Variants in CSMD1 observed in about 807,000 individuals in gnomAD.
The protein encoded by CSMD1 is CUB and sushi domain-containing protein 1.
In CSMD1, 213 loss-of-function variants were observed where a neutral mutation model predicts 417.5. The observed-to-expected ratio is 0.51, with a 90% CI of 0.46 to 0.57. CSMD1 has a LOEUF of 0.57. CSMD1 is among the 20% of genes least tolerant of loss of function. The probability of loss-of-function intolerance (pLI) is 0.00; values close to 1 mark genes in which losing one functional copy is unlikely to be tolerated. For missense variants in CSMD1, 6,923 were observed against 4,529.7 expected (o/e 1.53, Z -15.17); for synonymous variants, 2,862 against 1,736.8 (o/e 1.65, Z -16.11).
At position 4,422,304 on chromosome 8, in the gene CSMD1, C is replaced by T. The variant is rs369991903; in HGVS notation, c.303-2239G>A. Among the ~76,000 whole-genome samples, 68 of 152,188 alleles carry T rather than the reference C, an allele frequency of 4.5e-4. No homozygotes were observed. The East Asian group carries it at 8.5e-3, about 19-fold the overall frequency. Reference sequence around the variant, plus strand: ...GTAATTTTGTGGCATTGACACTACCCTTTCCCTTATGGGCTGAATTATGCT... The same window carrying T: ...GTAATTTTGTGGCATTGACACTACCTTTTCCCTTATGGGCTGAATTATGCT... On this transcript the variant is annotated intron_variant, in intron 2 of 69. Transcript: ENST00000635120.
At position 4,468,059 on chromosome 8, in the gene CSMD1, C is replaced by CCTGATCCT. The variant is rs1191213587; in HGVS notation, c.303-47995_303-47994insAGGATCAG. On this transcript the variant is annotated intron_variant, in intron 2 of 69. Coordinates refer to ENST00000635120, the MANE Select transcript of CSMD1 (RefSeq NM_033225.6). ...TACTCAACAGGCCCTGCCTCCTGTC[C>CCTGATCCT]GTCCCTGTCTTCTGAAATTGATCTG... is the stretch of plus-strand genomic sequence containing the variant. 2.5e-3 allele frequency among the ~76,000 whole-genome samples: 307 copies of CCTGATCCT among 121,724 alleles called. 1 individual carries two copies. The highest frequency in any genetic ancestry group is 0.012 in the African/African-American group (295 of 25,390). 79.9% of individuals were successfully genotyped at this position (121,724 alleles called of 152,430 possible). A position where few individuals can be genotyped will look rare whatever the true frequency, so the allele number is the denominator to read the frequency against.
At chr8:3,432,679 C>A (rs985168309) in intron 12 of CSMD1, among the ~76,000 whole-genome samples, 1 of 151,990 alleles carries the variant, frequency 6.6e-6, no homozygotes, top group Non-Finnish European at 1.5e-5. Flanking sequence ...CCACACCCAG[C>A]TAATTTTTGT....
chr8:4,133,922 A>G (rs1475542398), intron 3 of CSMD1, among the ~76,000 whole-genome samples: 1 of 152,250 alleles, frequency 6.6e-6, no homozygotes, highest in Non-Finnish European at 1.5e-5. Context: ...GGGAAACAGA[A>G]TAAAATCTTG....
chr8:4,496,033 C>T (rs555833984), intron 2 of CSMD1, among the ~76,000 whole-genome samples: 2 of 152,120 alleles, frequency 1.3e-5, no homozygotes, highest in African/African-American at 2.4e-5. Flanking sequence ...TTAATGTGGT[C>T]TTAATTGGCA....
At chr8:4,247,311 A>C (rs1039650018) in intron 3 of CSMD1, among the ~76,000 whole-genome samples, 1 of 152,130 alleles carries the variant, frequency 6.6e-6, no homozygotes, top group Non-Finnish European at 1.5e-5. Flanking sequence ...TGTCTTCTCT[A>C]CCACACTGCC....
intron 2 of CSMD1, among the ~76,000 whole-genome samples, chr8:4,589,651 T>C (rs1585296073): frequency 6.6e-6 from 1 of 152,310 alleles, no homozygotes; most frequent in East Asian, 1.9e-4. Flanking sequence ...CAAGTGTGTT[T>C]GCACTGTGAA....
At chr8:4,767,448 A>G (rs146477232) in intron 1 of CSMD1, among the ~76,000 whole-genome samples, 6 of 152,100 alleles carry the variant, frequency 3.9e-5, no homozygotes, top group African/African-American at 1.2e-4. Context: ...CCAATCCCGC[A>G]CATAGCTCAC....
At chr8:4,050,519 G>A (rs907505058) in intron 3 of CSMD1, among the ~76,000 whole-genome samples, 1 of 151,966 alleles carries the variant, frequency 6.6e-6, no homozygotes, top group East Asian at 1.9e-4. Flanking sequence ...GTATCATCCT[G>A]GAGGGGTAAA....
intron 3 of CSMD1, among the ~76,000 whole-genome samples, chr8:4,152,008 C>A (rs1714744): frequency 6.6e-6 from 1 of 152,100 alleles, no homozygotes. Context: ...GTCATTTTAA[C>A]GTAATCAATG....
chr8:4,701,215 T>C (rs563429054), intron 1 of CSMD1, among the ~76,000 whole-genome samples: 2 of 152,156 alleles, frequency 1.3e-5, no homozygotes, highest in East Asian at 1.9e-4. Flanking sequence ...GACTGTTCTT[T>C]GCTCAGAGCT....
intron 1 of CSMD1, among the ~76,000 whole-genome samples, chr8:4,761,170 C>G (rs966104609): frequency 3.9e-5 from 6 of 151,948 alleles, no homozygotes; most frequent in Non-Finnish European, 8.8e-5. Context: ...ACTATGAAAG[C>G]GAAATCTAAG....
chr8:3,756,223 G>T (rs1419918327), intron 5 of CSMD1, among the ~76,000 whole-genome samples: 3 of 151,770 alleles, frequency 2.0e-5, no homozygotes, highest in Non-Finnish European at 4.4e-5. Context: ...CATGGTGGCG[G>T]GCGCCTGTAG....
chr8:4,943,961 G>A (rs762524040), intron 1 of CSMD1, among the ~76,000 whole-genome samples: 3 of 152,118 alleles, frequency 2.0e-5, no homozygotes, highest in South Asian at 2.1e-4. Flanking sequence ...ATGTATTAAG[G>A]GAAAGAAACA....
chr8:2,996,213 A>C (rs1806883238), intron 54 of CSMD1, among the ~76,000 whole-genome samples: 2 of 152,228 alleles, frequency 1.3e-5, no homozygotes, highest in African/African-American at 4.8e-5. Context: ...TTTTATCCTA[A>C]CAAAAAAATA....
intron 1 of CSMD1, among the ~76,000 whole-genome samples, chr8:4,709,788 G>A (rs938771624): frequency 2.0e-4 from 30 of 152,152 alleles, no homozygotes; most frequent in Middle Eastern, 6.4e-3. Flanking sequence ...GAAGTCACAG[G>A]GGAAAGAGGC....
chr8:4,539,809 G>T (rs887807340), intron 2 of CSMD1, among the ~76,000 whole-genome samples: 2 of 152,082 alleles, frequency 1.3e-5, no homozygotes, highest in Non-Finnish European at 2.9e-5. Flanking sequence ...TTTTCCATAT[G>T]GGTTAAGCAT....
intron 25 of CSMD1, among the ~76,000 whole-genome samples, chr8:3,299,290 A>G (rs1168634705): frequency 1.3e-5 from 2 of 152,072 alleles, no homozygotes; most frequent in East Asian, 1.9e-4. Context: ...TGTCTCTACT[A>G]AAAATATAAA....
intron 49 of CSMD1, among the ~76,000 whole-genome samples, chr8:3,084,571 A>G (rs1814384190): frequency 6.6e-6 from 1 of 151,732 alleles, no homozygotes; most frequent in South Asian, 2.1e-4. Flanking sequence ...ACAAAAGGAA[A>G]GTGTGTAATT....
chr8:3,806,723 A>C (rs769088315), intron 5 of CSMD1, among the ~76,000 whole-genome samples: 10 of 152,224 alleles, frequency 6.6e-5, no homozygotes, highest in Admixed American at 5.9e-4. Context: ...TTTCCATTTT[A>C]GGTATGGAAA....
Sources: allele counts gnomAD v4.1 joint callset (sites outside exome capture counted in the v4.1 genomes callset), GRCh38; gene constraint gnomAD v4.1.1; transcripts MANE v1.5; gene names NCBI Gene and HGNC (gene_info 2026-07-23, HGNC 2026-07-21).